Variants in SNX29 observed in about 807,000 individuals in gnomAD.
SNX29 encodes the protein sorting nexin-29.
In SNX29, 78 loss-of-function variants were observed where a neutral mutation model predicts 102.1. That is an observed-to-expected ratio of 0.76 (90% confidence interval 0.64 to 0.92). The LOEUF is 0.92. Among genes scored for constraint, SNX29 ranks in the 40% least tolerant of loss-of-function variants. SNX29 has a pLI of 0.00. For synonymous variants in SNX29, 580 were observed against 414.5 expected, an observed-to-expected ratio of 1.40 and a Z score of -4.85; for missense variants, 1,280 against 1,061.7, an observed-to-expected ratio of 1.21 and a Z score of -2.86.
chr16:12,284,338 G>C (rs1456650371), intron 15 of SNX29, among the ~76,000 whole-genome samples: 2 of 152,242 alleles, frequency 1.3e-5, no homozygotes, highest in Admixed American at 6.5e-5. Flanking sequence ...TCATACCTGT[G>C]AGTGGGTTTG....
chr16:12,543,871 C>A (rs964957380), intron 20 of SNX29, among the ~76,000 whole-genome samples: 1 of 152,202 alleles, frequency 6.6e-6, no homozygotes, highest in African/African-American at 2.4e-5. Flanking sequence ...ATCCTCTTAC[C>A]ACACTACAAG....
At chr16:11,977,000 G>C (rs1191923574) in intron 1 of SNX29, 187 bp downstream of exon 1, 8 of 707,854 alleles carry the variant, frequency 1.1e-5, no homozygotes, top group Non-Finnish European at 1.6e-5. Flanking sequence ...GCGGGTCTCT[G>C]ATCTCCCGTG....
At chr16:12,119,279 C>T (rs896502713) in intron 11 of SNX29, among the ~76,000 whole-genome samples, 3 of 152,158 alleles carry the variant, frequency 2.0e-5, no homozygotes, top group Admixed American at 6.5e-5. Flanking sequence ...TGTCTGTATC[C>T]GCTTTTGGGA....
intron 14 of SNX29, among the ~76,000 whole-genome samples, chr16:12,224,630 C>T (rs1002013146): frequency 6.6e-5 from 10 of 152,202 alleles, no homozygotes; most frequent in Non-Finnish European, 1.0e-4. Flanking sequence ...ATGGCCAAAG[C>T]TCACTGAAGA....
chr16:12,478,827 C>T (rs868064309), intron 19 of SNX29, among the ~76,000 whole-genome samples: 1 of 152,174 alleles, frequency 6.6e-6, no homozygotes, highest in African/African-American at 2.4e-5. Flanking sequence ...GAGGCCTGGG[C>T]ATGGAGGGGA....
chr16:11,986,666 C>G (rs939823857), intron 1 of SNX29, among the ~76,000 whole-genome samples: 18 of 152,202 alleles, frequency 1.2e-4, no homozygotes, highest in Admixed American at 9.2e-4. Context: ...TATTTAACCT[C>G]TCTCCCATTG....
chr16:12,068,005 C>T (rs916093654), intron 9 of SNX29, among the ~76,000 whole-genome samples: 14 of 134,812 alleles, frequency 1.0e-4, no homozygotes, highest in African/African-American at 4.0e-4. Flanking sequence ...GGAAAATTGG[C>T]CTTTTTAGAA....
chr16:12,228,140 C>G (rs759540943), intron 14 of SNX29, among the ~76,000 whole-genome samples: 2 of 152,128 alleles, frequency 1.3e-5, no homozygotes. Context: ...CAGACCTTAC[C>G]GTCTCAGAGT....
At chr16:12,483,319 C>CTTTTTT (rs71139599) in intron 19 of SNX29, among the ~76,000 whole-genome samples, 1 of 134,746 alleles carries the variant, frequency 7.4e-6, no homozygotes, top group Non-Finnish European at 1.6e-5. Context: ...ATTTACTTTT[C>CTTTTTT]TTTTTTTTTT....
At chr16:12,248,393 CT>C (rs111573419) in intron 14 of SNX29, among the ~76,000 whole-genome samples, 2,014 of 142,522 alleles carry the variant, frequency 0.014, 43 homozygotes, top group African/African-American at 0.043. Flanking sequence ...CAGATCTCTG[CT>C]TTTTTTTTTT....
chr16:12,547,715 C>A (rs7204000), intron 20 of SNX29, among the ~76,000 whole-genome samples: 5 of 152,182 alleles, frequency 3.3e-5, no homozygotes, highest in African/African-American at 1.2e-4. Flanking sequence ...ATCTGCATAG[C>A]ATGGCACCCA....
intron 2 of SNX29, 146 bp from the exon 3 acceptor site, chr16:12,002,845 C>G (rs2056335835): frequency 3.8e-6 from 3 of 783,922 alleles, no homozygotes; most frequent in South Asian, 1.8e-5. Context: ...TGCTGATACC[C>G]AGGGGACAGG....
chr16:12,206,198 A>G (rs978125336), intron 14 of SNX29, among the ~76,000 whole-genome samples: 2 of 152,150 alleles, frequency 1.3e-5, no homozygotes. Context: ...GGAGTCATAC[A>G]ATCTGATTTA....
intron 5 of SNX29, among the ~76,000 whole-genome samples, chr16:12,044,626 T>A (rs2050016075): frequency 6.6e-6 from 1 of 152,180 alleles, no homozygotes. Flanking sequence ...TTGCCTAGGC[T>A]GGAGTGTAGT....
intron 18 of SNX29, among the ~76,000 whole-genome samples, chr16:12,430,834 G>C (rs986900037): frequency 6.6e-6 from 1 of 151,610 alleles, no homozygotes; most frequent in Non-Finnish European, 1.5e-5. Flanking sequence ...TCCAGGAGGG[G>C]GTGATTCTTG....
chr16:12,033,799 G>T (rs1049483728), intron 4 of SNX29, among the ~76,000 whole-genome samples: 7 of 151,718 alleles, frequency 4.6e-5, no homozygotes, highest in Admixed American at 2.6e-4. Flanking sequence ...TAGAGACGGG[G>T]TTTCATCATA....
chr16:12,164,929 C>G (rs1394542521), intron 13 of SNX29, among the ~76,000 whole-genome samples: 2 of 152,134 alleles, frequency 1.3e-5, no homozygotes, highest in Non-Finnish European at 2.9e-5. Context: ...CTCAGGTGAT[C>G]TGCCCACCTT....
chr16:12,130,700 G>A (rs1407188667), intron 13 of SNX29, among the ~76,000 whole-genome samples: 4 of 151,878 alleles, frequency 2.6e-5, no homozygotes, highest in Non-Finnish European at 4.4e-5. Context: ...GCAGATAGGT[G>A]TGCATATACT....
intron 9 of SNX29, among the ~76,000 whole-genome samples, chr16:12,064,236 G>T (rs2050916101): frequency 6.6e-6 from 1 of 152,044 alleles, no homozygotes; most frequent in Non-Finnish European, 1.5e-5. Flanking sequence ...CGCTTAGCTG[G>T]GCCTCCTGAA....
Sources: allele counts gnomAD v4.1 joint callset (sites outside exome capture counted in the v4.1 genomes callset), GRCh38; gene constraint gnomAD v4.1.1; transcripts MANE v1.5; gene names NCBI Gene and HGNC (gene_info 2026-07-23, HGNC 2026-07-21).